Variants in PARD3B observed in about 807,000 individuals in gnomAD.
PARD3B encodes the protein par-3 family cell polarity regulator beta, also known as partitioning defective 3 homolog B.
PARD3B carries 103 observed loss-of-function variants against 130.2 expected under a neutral mutation model. That is an observed-to-expected ratio of 0.79 (90% CI 0.67 to 0.93). The LOEUF is 0.93. Ranked by LOEUF, PARD3B falls within the 40% of genes least tolerant of loss-of-function variation. The pLI is 0.00. For synonymous variants in PARD3B, 583 were observed against 553.2 expected (o/e 1.05, Z -0.76); for missense variants, 1,609 against 1,499.2 (o/e 1.07, Z -1.21).
intron 2 of PARD3B, among the ~76,000 whole-genome samples, chr2:204,801,910 C>G (rs1165160272): frequency 6.6e-6 from 1 of 152,110 alleles, no homozygotes; most frequent in African/African-American, 2.4e-5. Flanking sequence ...AAGTTTTTAG[C>G]ATGAAGCAGT....
Position 205,176,650 on chromosome 2 carries a change from A to AAAAAG in PARD3B, c.1924+77_1924+78insGAAAA, listed in dbSNP as rs1559512067. 56 of 1,419,292 alleles carry AAAAAG rather than the reference A, an allele frequency of 3.9e-5. No individual in the cohort carries two copies. Among genetic ancestry groups the AAAAAG allele is most frequent in the Non-Finnish European group, 3.6e-5 (38 of 1,061,878 alleles). The allele number at this position is 1,419,292 out of a possible 1,614,324, so 87.9% of individuals were successfully genotyped here. ...AAAAGTGTCTTTTTATCTAAAAAAA[A>AAAAAG]AAAAAAAGAGTAAAGGGGAGTTAAT... On this transcript the variant is annotated intron_variant, in intron 13 of 22. Coordinates refer to ENST00000406610, the MANE Select transcript of PARD3B (RefSeq NM_001302769.2). The surrounding 1 kb of genome is among the most constrained non-coding windows in gnomAD (Gnocchi z 5.3).
rs534147863 is a variant in PARD3B at position 204,669,126 on chromosome 2, T to A, written c.121-17055T>A. ...AGAATTAGAAGATAATAAATCAGTGTTATTGCAGTCCACTAAGTTGGTAGG... is the reference window on the plus strand; with the variant it reads ...AGAATTAGAAGATAATAAATCAGTGATATTGCAGTCCACTAAGTTGGTAGG... On this transcript the variant is annotated intron_variant, in intron 1 of 22. Transcript: ENST00000406610. This position sits in a 1 kb window ranked among gnomAD's most constrained non-coding sequence, Gnocchi z 4.3. 7.7e-4 allele frequency among the ~76,000 whole-genome samples: 117 copies of A among 152,294 alleles called. 1 individual carries two copies. The highest frequency in any genetic ancestry group is 2.7e-3 in the African/African-American group (113 of 41,570).
chr2:204,759,726 C>T (rs2040821581), intron 2 of PARD3B, among the ~76,000 whole-genome samples: 1 of 152,048 alleles, frequency 6.6e-6, no homozygotes, highest in Non-Finnish European at 1.5e-5. Context: ...TGCCCAAGTG[C>T]CTTCCAAAGA....
intron 22 of PARD3B, among the ~76,000 whole-genome samples, chr2:205,594,962 G>A (rs1479767961): frequency 6.6e-6 from 1 of 152,170 alleles, no homozygotes; most frequent in African/African-American, 2.4e-5. Context: ...GACTGAGTGT[G>A]ACTTCGAACT....
intron 18 of PARD3B, among the ~76,000 whole-genome samples, chr2:205,308,568 C>T: frequency 7.3e-6 from 1 of 137,822 alleles, no homozygotes; most frequent in Non-Finnish European, 1.5e-5. Flanking sequence ...GATAGCACCA[C>T]TGCACTCTAG....
At chr2:205,203,529 G>A (rs935864258) in intron 15 of PARD3B, among the ~76,000 whole-genome samples, 1 of 151,830 alleles carries the variant, frequency 6.6e-6, no homozygotes, top group Non-Finnish European at 1.5e-5. Context: ...AGGCACACAC[G>A]TGCCATGGTG....
chr2:204,627,688 C>T (rs1445711498), intron 1 of PARD3B, among the ~76,000 whole-genome samples: 1 of 151,776 alleles, frequency 6.6e-6, no homozygotes, highest in East Asian at 1.9e-4. Context: ...CCTTTTTGTT[C>T]GTAAGCATTA....
intron 18 of PARD3B, among the ~76,000 whole-genome samples, chr2:205,396,890 A>G (rs564925395): frequency 1.2e-3 from 188 of 152,238 alleles, no homozygotes; most frequent in Non-Finnish European, 2.0e-3. Context: ...GGGAAGATAA[A>G]CCTCCTCAAT....
At chr2:205,410,947 G>A (rs1392664112) in intron 19 of PARD3B, among the ~76,000 whole-genome samples, 1 of 152,038 alleles carries the variant, frequency 6.6e-6, no homozygotes, top group Non-Finnish European at 1.5e-5. Flanking sequence ...TACTAACCTA[G>A]GCCTGTGATT....
chr2:204,660,567 T>A (rs1026509420), intron 1 of PARD3B, among the ~76,000 whole-genome samples: 7 of 152,180 alleles, frequency 4.6e-5, no homozygotes. Context: ...AGATAATGTA[T>A]AATAAATCAT....
chr2:205,389,700 G>A (rs909943104), intron 18 of PARD3B, among the ~76,000 whole-genome samples: 5 of 152,154 alleles, frequency 3.3e-5, no homozygotes, highest in African/African-American at 7.2e-5. Context: ...GATGTGTAGC[G>A]TCAAAACTTT....
rs951397819 is a variant in PARD3B at position 205,589,811 on chromosome 2, C to T, written c.3261-25645C>T. 4.6e-5 allele frequency among the ~76,000 whole-genome samples: 7 copies of T among 152,046 alleles called. No homozygotes were observed. The highest frequency in any genetic ancestry group is 1.7e-4 in the African/African-American group (7 of 41,414). ...AGCCTAAAGGAAGTTTGTCAGGAAC[C>T]AAAAATCTATCAGACACCCTCCTAC... On this transcript the variant is annotated intron_variant, in intron 22 of 22. Coordinates refer to ENST00000406610, the MANE Select transcript of PARD3B (RefSeq NM_001302769.2). This position sits in a 1 kb window ranked among gnomAD's most constrained non-coding sequence, Gnocchi z 4.1.
chr2:205,189,428 A>G (rs1314360753), intron 14 of PARD3B, among the ~76,000 whole-genome samples: 1 of 152,154 alleles, frequency 6.6e-6, no homozygotes, highest in Non-Finnish European at 1.5e-5. Context: ...GCATAATTTG[A>G]CGTTGAGTAT....
intron 15 of PARD3B, among the ~76,000 whole-genome samples, chr2:205,234,210 T>C (rs2038965551): frequency 6.6e-6 from 1 of 152,154 alleles, no homozygotes; most frequent in South Asian, 2.1e-4. Context: ...ATCCCAGCAC[T>C]TTGGGAGGCT....
intron 16 of PARD3B, among the ~76,000 whole-genome samples, chr2:205,299,223 G>C (rs887196478): frequency 6.6e-6 from 1 of 152,092 alleles, no homozygotes; most frequent in African/African-American, 2.4e-5. Context: ...CCTTAATGCT[G>C]TGTGCAGCTG....
intron 2 of PARD3B, among the ~76,000 whole-genome samples, chr2:204,775,800 G>C (rs1438480350): frequency 6.6e-6 from 1 of 152,098 alleles, no homozygotes; most frequent in African/African-American, 2.4e-5. Context: ...GACTCTGTTA[G>C]CTCCCTGTCA....
At chr2:205,331,511 G>A (rs1200589322) in intron 18 of PARD3B, among the ~76,000 whole-genome samples, 1 of 152,014 alleles carries the variant, frequency 6.6e-6, no homozygotes, top group African/African-American at 2.4e-5. Context: ...GCCGGGCGTG[G>A]TGGTTCACAC....
At chr2:204,733,383 T>C (rs918790761) in intron 2 of PARD3B, among the ~76,000 whole-genome samples, 1 of 151,858 alleles carries the variant, frequency 6.6e-6, no homozygotes, top group African/African-American at 2.4e-5. Flanking sequence ...AAATGAGAGA[T>C]ACAGTTTTTA....
chr2:205,103,178 T>A (rs1702919453), intron 4 of PARD3B, among the ~76,000 whole-genome samples: 1 of 94,258 alleles, frequency 1.1e-5, no homozygotes, highest in Non-Finnish European at 2.4e-5. Flanking sequence ...TATATTTATG[T>A]AAAGTAAACA....
Sources: gnomAD v4.1 joint callset for allele counts (sites outside exome capture counted in the v4.1 genomes callset) on GRCh38, gnomAD v4.1.1 for gene constraint, Gnocchi (gnomAD v3.1) non-coding constraint, MANE v1.5 for transcripts, NCBI Gene and HGNC (gene_info 2026-07-23, HGNC 2026-07-21) for gene names.